TIAM1: variants seen among roughly 807,000 people sequenced by gnomAD.
TIAM1 encodes TIAM Rac1 associated GEF 1.
TIAM1 carries 65 observed loss-of-function variants against 163.5 expected under a neutral mutation model. The observed-to-expected ratio is 0.40, with a 90% confidence interval of 0.33 to 0.49. The LOEUF (loss-of-function observed/expected upper bound fraction) is 0.49. Ranked by LOEUF, TIAM1 falls within the 20% of genes least tolerant of loss-of-function variation. The probability of loss-of-function intolerance (pLI) is 0.77; values close to 1 mark genes in which losing one functional copy is unlikely to be tolerated. For synonymous variants in TIAM1, 833 were observed against 810.1 expected (o/e 1.03, Z -0.48); for missense variants, 1,789 against 2,044.7 (o/e 0.87, Z 2.41).
chr21:31,473,025 G>C (rs995067552), intron 1 of TIAM1, among the ~76,000 whole-genome samples: 1 of 152,140 alleles, frequency 6.6e-6, no homozygotes, highest in Admixed American at 6.5e-5. Flanking sequence ...AAAGATGCAC[G>C]GTCTGGAGCT....
chr21:31,481,967 C>T (rs775973013), intron 1 of TIAM1, among the ~76,000 whole-genome samples: 1 of 151,804 alleles, frequency 6.6e-6, no homozygotes, highest in Non-Finnish European at 1.5e-5. Context: ...CATCCCGAAG[C>T]TATCAAGAGG....
At chr21:31,406,180 T>TA (rs78738144) in intron 2 of TIAM1, among the ~76,000 whole-genome samples, 10,082 of 138,434 alleles carry the variant, frequency 0.073, 411 homozygotes, top group Admixed American at 0.1. Context: ...AATGTTATCT[T>TA]AAAAAAAAAA....
chr21:31,512,463 G>A (rs770989294), intron 1 of TIAM1, among the ~76,000 whole-genome samples: 44 of 152,166 alleles, frequency 2.9e-4, no homozygotes, highest in Non-Finnish European at 5.4e-4. Context: ...CTGTGACCCA[G>A]TTTGAAAACT....
chr21:31,435,305 C>A (rs7275411), intron 2 of TIAM1, among the ~76,000 whole-genome samples: 11,847 of 152,130 alleles, frequency 0.078, 1,525 homozygotes, highest in African/African-American at 0.27. Flanking sequence ...ACTTTATGCA[C>A]CCAGGAATTA....
intron 2 of TIAM1, among the ~76,000 whole-genome samples, chr21:31,377,032 TC>T (rs1460117744): frequency 5.4e-4 from 69 of 128,342 alleles, no homozygotes; most frequent in Non-Finnish European, 9.8e-4. Flanking sequence ...CTCATTTTTG[TC>T]TTTTTTTTTT....
At chr21:31,445,080 C>A (rs1310296795) in intron 2 of TIAM1, among the ~76,000 whole-genome samples, 2 of 152,034 alleles carry the variant, frequency 1.3e-5, no homozygotes, top group East Asian at 1.9e-4. Context: ...TTGATACAGG[C>A]AATTTTATGA....
chr21:31,234,913 G>A (rs1351336548), intron 6 of TIAM1, among the ~76,000 whole-genome samples: 1 of 152,070 alleles, frequency 6.6e-6, no homozygotes, highest in Non-Finnish European at 1.5e-5. Context: ...AATCAGAAAT[G>A]GGAACATAAT....
intron 2 of TIAM1, among the ~76,000 whole-genome samples, chr21:31,366,180 G>A (rs1195355817): frequency 6.6e-6 from 1 of 151,134 alleles, no homozygotes. Context: ...TGAATACTAT[G>A]CCCTTGGCCC....
At chr21:31,492,692 C>G (rs912648853) in intron 1 of TIAM1, among the ~76,000 whole-genome samples, 2 of 151,742 alleles carry the variant, frequency 1.3e-5, no homozygotes, top group Non-Finnish European at 2.9e-5. Flanking sequence ...GTCATCAGGA[C>G]CTCCTGAGGC....
chr21:31,228,621 A>G (rs912634281), intron 6 of TIAM1, among the ~76,000 whole-genome samples: 6 of 152,240 alleles, frequency 3.9e-5, no homozygotes, highest in African/African-American at 1.2e-4. Context: ...TGAAGGACCT[A>G]TAACTATAGA....
rs192638815 is a variant in TIAM1, at chr21:31,527,817, G to A, written c.-422+31110C>T. On this transcript the variant is annotated intron_variant, in intron 1 of 28. Coordinates refer to the TIAM1 transcript ENST00000286827. The stretch of plus-strand genomic sequence containing the variant: ...TCTCCACTCACCTGGGCCACTTGTG[G>A]TCAACAGTCTCTCAATGTTGATCAC... Among the ~76,000 whole-genome samples the A allele has an allele frequency of 2.1e-3, 315 of 152,156 alleles. 1 individual carries two copies. The highest frequency in any genetic ancestry group is 3.1e-3 in the Non-Finnish European group (208 of 68,010).
At chr21:31,139,291 T>G (rs1006931969) in intron 22 of TIAM1, among the ~76,000 whole-genome samples, 33 of 152,324 alleles carry the variant, frequency 2.2e-4, no homozygotes, top group African/African-American at 7.9e-4. Context: ...AAATGTAATA[T>G]GACGTAATGA....
chr21:31,368,009 T>C (rs1208625394), intron 2 of TIAM1, among the ~76,000 whole-genome samples: 1 of 152,188 alleles, frequency 6.6e-6, no homozygotes, highest in Non-Finnish European at 1.5e-5. Context: ...TCTAGAATAT[T>C]CATGAGAGGC....
intron 23 of TIAM1, among the ~76,000 whole-genome samples, chr21:31,135,338 C>A (rs769501699): frequency 2.6e-5 from 4 of 152,146 alleles, no homozygotes; most frequent in Non-Finnish European, 5.9e-5. Context: ...GCAACTGCAT[C>A]CATCTAAACT....
rs1569068716 is a variant in TIAM1, at chr21:31,228,235, A to T, written c.1585-2285T>A. Among the ~76,000 whole-genome samples the T allele has an allele frequency of 4.5e-4, 53 of 116,822 alleles. 1 individual carries two copies. Among genetic ancestry groups the T allele is most frequent in the Non-Finnish European group, 7.6e-4 (47 of 61,642 alleles). 76.6% of individuals were successfully genotyped at this position (116,822 alleles called of 152,430 possible). A position where few individuals can be genotyped will look rare whatever the true frequency, so the allele number is the denominator to read the frequency against. ...CTCCTTTTTTTAAAAAAAAAAAAAA[A>T]AAAAAAAAAAAAAAAAAAAAAAAAG... On this transcript the variant is annotated intron_variant, in intron 6 of 27. Coordinates refer to ENST00000541036, the MANE Select transcript of TIAM1 (RefSeq NM_001353694.2).
At chr21:31,215,552 ACT>A (rs1031434731) in intron 9 of TIAM1, among the ~76,000 whole-genome samples, 3 of 135,106 alleles carry the variant, frequency 2.2e-5, no homozygotes, top group South Asian at 2.3e-4. Context: ...ACAGAGTGAG[ACT>A]CTGTCTCAAA....
chr21:31,417,779 T>A (rs187760188), intron 2 of TIAM1, among the ~76,000 whole-genome samples: 7 of 152,204 alleles, frequency 4.6e-5, no homozygotes, highest in Non-Finnish European at 1.0e-4. Context: ...CCAGGGACAG[T>A]CTCGCTGAAA....
intron 2 of TIAM1, among the ~76,000 whole-genome samples, chr21:31,459,938 T>C (rs910885158): frequency 7.9e-5 from 12 of 152,224 alleles, no homozygotes; most frequent in African/African-American, 2.4e-4. Flanking sequence ...TTCCATTATC[T>C]TCCCCTCTTT....
At chr21:31,492,199 A>G (rs1464729839) in intron 1 of TIAM1, among the ~76,000 whole-genome samples, 2 of 152,230 alleles carry the variant, frequency 1.3e-5, no homozygotes, top group Admixed American at 1.3e-4. Flanking sequence ...TGGGAACTAC[A>G]TCAGGTAAAC....
Sources: allele counts gnomAD v4.1 joint callset (sites outside exome capture counted in the v4.1 genomes callset), GRCh38; gene constraint gnomAD v4.1.1; transcripts MANE v1.5; gene names NCBI Gene and HGNC (gene_info 2026-07-23, HGNC 2026-07-21).